Variants in ADAMTSL1 observed in about 807,000 individuals in gnomAD.
ADAMTSL1 encodes the protein ADAMTS like 1, also known as ADAMTS-like protein 1.
In ADAMTSL1, 126 loss-of-function variants were observed where a neutral mutation model predicts 201.8. The observed-to-expected ratio is 0.62, with a 90% confidence interval of 0.54 to 0.72. ADAMTSL1 has a LOEUF of 0.72. Ranked by LOEUF, ADAMTSL1 falls within the 30% of genes least tolerant of loss-of-function variation. The probability of loss-of-function intolerance (pLI) is 0.00; values close to 1 mark genes in which losing one functional copy is unlikely to be tolerated. For synonymous variants in ADAMTSL1, 1,121 were observed against 903.4 expected (o/e 1.24, Z -4.32); for missense variants, 2,679 against 2,277.8 (o/e 1.18, Z -3.59).
At chr9:18,635,720 A>G (rs1448939629) in intron 5 of ADAMTSL1, among the ~76,000 whole-genome samples, 1 of 152,216 alleles carries the variant, frequency 6.6e-6, no homozygotes, top group African/African-American at 2.4e-5. Context: ...CCTATTTTTT[A>G]AAAGGCCAAA....
intron 21 of ADAMTSL1, 127 bp downstream of exon 21, chr9:18,817,364 A>C: frequency 1.1e-6 from 1 of 934,516 alleles, no homozygotes; most frequent in Non-Finnish European, 1.5e-6. Context: ...CAAAGCATGA[A>C]CCTCAGTCGC....
intron 23 of ADAMTSL1, among the ~76,000 whole-genome samples, chr9:18,878,205 G>A (rs1828290878): frequency 6.6e-6 from 1 of 152,216 alleles, no homozygotes. Context: ...CCTCCCAGCT[G>A]AGAAAGCAAG....
chr9:18,430,341 C>T (rs561396498), intron 2 of ADAMTSL1, among the ~76,000 whole-genome samples: 6 of 152,156 alleles, frequency 3.9e-5, no homozygotes, highest in African/African-American at 7.2e-5. Context: ...AAAGTGTGCT[C>T]GCCTGAGTTC....
At chr9:18,565,315 A>C (rs913318822) in intron 3 of ADAMTSL1, among the ~76,000 whole-genome samples, 1 of 152,206 alleles carries the variant, frequency 6.6e-6, no homozygotes, top group Admixed American at 6.5e-5. Flanking sequence ...TCAAGGTCAT[A>C]GAGTTATAAA....
rs145318778 is a variant in ADAMTSL1, at chr9:18,805,625, A to G, written c.3805+10101A>G. ...AACTTGCCTAAGGGTACTTAGCTAT[A>G]CTATGCAGAGATGAGCTCGGGACAC... On this transcript the variant is annotated intron_variant, in intron 20 of 28. Transcript: ENST00000380548. Among the ~76,000 whole-genome samples the G allele has an allele frequency of 3.7e-3, 566 of 152,310 alleles. 3 individuals carry two copies. The highest frequency in any genetic ancestry group is 6.8e-3 in the Middle Eastern group (2 of 294).
chr9:18,061,276 A>G (rs1822443913), intron 1 of ADAMTSL1, among the ~76,000 whole-genome samples: 1 of 152,166 alleles, frequency 6.6e-6, no homozygotes, highest in Non-Finnish European at 1.5e-5. Flanking sequence ...GTGTTTATGA[A>G]ATGCTCTGAT....
At chr9:18,360,646 G>C (rs1008190842) in intron 2 of ADAMTSL1, 13 of 152,166 alleles carry the variant, frequency 8.5e-5, no homozygotes, top group African/African-American at 3.1e-4. Context: ...TCAAAGTGGG[G>C]CAGTTGCACA....
rs553372295 is a variant in ADAMTSL1, at chr9:18,828,405, G to A, written c.4115-1438G>A. ...TAAGCACAGCTTTCATGAGTTTCAA[G>A]AGGAAGTATTGAGGAGGAGAGAAAG... On this transcript the variant is annotated intron_variant, in intron 22 of 28. Coordinates refer to ENST00000380548, the MANE Select transcript of ADAMTSL1 (RefSeq NM_001040272.6). 5.3e-5 allele frequency among the ~76,000 whole-genome samples: 8 copies of A among 152,028 alleles called. 1 individual carries two copies. Among genetic ancestry groups the A allele is most frequent in the Admixed American group, 1.3e-4 (2 of 15,268 alleles).
At chr9:18,301,428 C>A (rs143612357) in intron 2 of ADAMTSL1, among the ~76,000 whole-genome samples, 185 of 152,286 alleles carry the variant, frequency 1.2e-3, no homozygotes, top group African/African-American at 3.8e-3. Context: ...CAGTGGATGC[C>A]TGAAACCGCT....
At chr9:17,957,471 C>T (rs1019182778) in intron 1 of ADAMTSL1, among the ~76,000 whole-genome samples, 20 of 152,300 alleles carry the variant, frequency 1.3e-4, no homozygotes, top group African/African-American at 4.8e-4. Flanking sequence ...GATACCTCCA[C>T]CTTCAAGCTT....
intron 2 of ADAMTSL1, among the ~76,000 whole-genome samples, chr9:18,241,659 C>G (rs373170945): frequency 2.1e-4 from 32 of 151,582 alleles, no homozygotes; most frequent in African/African-American, 7.3e-4. Flanking sequence ...GGAAAAGGCT[C>G]AAATGAAATC....
At chr9:18,653,443 TG>T (rs1264978229) in intron 7 of ADAMTSL1, among the ~76,000 whole-genome samples, 2 of 152,166 alleles carry the variant, frequency 1.3e-5, no homozygotes, top group African/African-American at 4.8e-5. Context: ...TCTGATCTAC[TG>T]CCCTACTCAA....
At chr9:18,860,213 AT>A (rs1827122973) in intron 23 of ADAMTSL1, among the ~76,000 whole-genome samples, 1 of 152,240 alleles carries the variant, frequency 6.6e-6, no homozygotes. Flanking sequence ...TCTTGTGAAA[AT>A]GGCTGCTTTC....
intron 1 of ADAMTSL1, among the ~76,000 whole-genome samples, chr9:18,032,430 A>G (rs1030541765): frequency 1.5e-4 from 23 of 152,102 alleles, no homozygotes; most frequent in Admixed American, 1.4e-3. Flanking sequence ...TATTGGCAAA[A>G]CATCCGGGTG....
At chr9:18,742,421 A>G (rs1188138019) in intron 15 of ADAMTSL1, among the ~76,000 whole-genome samples, 1 of 152,114 alleles carries the variant, frequency 6.6e-6, no homozygotes, top group Non-Finnish European at 1.5e-5. Flanking sequence ...AACTAGGGGG[A>G]AAAAAACATT....
intron 26 of ADAMTSL1, 102 bp from the exon 27 acceptor site, chr9:18,905,680 C>G (rs1830262059): frequency 6.0e-6 from 5 of 833,490 alleles, no homozygotes; most frequent in Non-Finnish European, 9.8e-6. Context: ...GAGCCTCCAA[C>G]AAGACCTACA....
chr9:18,826,048 C>G (rs1192761059), intron 21 of ADAMTSL1: 1 of 605,194 alleles, frequency 1.7e-6, no homozygotes, highest in African/African-American at 1.9e-5. Flanking sequence ...GATCTGGAGA[C>G]AACTGAGATG....
intron 4 of ADAMTSL1, among the ~76,000 whole-genome samples, chr9:18,601,573 G>A (rs1824659889): frequency 6.6e-6 from 1 of 152,176 alleles, no homozygotes; most frequent in Admixed American, 6.5e-5. Flanking sequence ...CATGGCCAGT[G>A]AGGATTTCCT....
At chr9:18,755,213 C>T (rs1470897452) in intron 16 of ADAMTSL1, among the ~76,000 whole-genome samples, 1 of 152,174 alleles carries the variant, frequency 6.6e-6, no homozygotes, top group Non-Finnish European at 1.5e-5. Flanking sequence ...ATTGCTAGTG[C>T]ATTTATACTA....
Sources: gnomAD v4.1 joint callset for allele counts (sites outside exome capture counted in the v4.1 genomes callset) on GRCh38, gnomAD v4.1.1 for gene constraint, MANE v1.5 for transcripts, NCBI Gene and HGNC (gene_info 2026-07-23, HGNC 2026-07-21) for gene names.